FRAS1: variants seen among roughly 807,000 people sequenced by gnomAD.
FRAS1 encodes the protein Fraser extracellular matrix complex subunit 1.
Under a neutral mutation model 435.2 loss-of-function variants are expected in FRAS1, and 290 were observed. The ratio of observed to expected loss-of-function variants is 0.67; its 90% CI spans 0.61 to 0.73. FRAS1 has a LOEUF of 0.73. FRAS1 is among the 30% of genes least tolerant of loss of function. The pLI is 0.00. For synonymous variants in FRAS1, 1,800 were observed against 1,851.0 expected, an observed-to-expected ratio of 0.97 and a Z score of 0.71; for missense variants, 4,860 against 5,001.5, an observed-to-expected ratio of 0.97 and a Z score of 0.85.
intron 22 of FRAS1, 89 bp from the exon 23 acceptor site, chr4:78,369,749 G>T (rs1465568741): frequency 7.3e-6 from 9 of 1,226,900 alleles, no homozygotes; most frequent in Non-Finnish European, 1.0e-5. Context: ...ACAAGGCTTT[G>T]TTCCTATGCA....
At chr4:78,516,092 T>C in intron 66 of FRAS1, 79 bp downstream of exon 66, 2 of 1,131,370 alleles carry the variant, frequency 1.8e-6, no homozygotes, top group Non-Finnish European at 2.5e-6. Context: ...AGCACTTCAA[T>C]TAGCACTTTG....
At chr4:78,388,574 GA>G (rs1732318734) in intron 29 of FRAS1, among the ~76,000 whole-genome samples, 5 of 151,988 alleles carry the variant, frequency 3.3e-5, no homozygotes, top group African/African-American at 1.2e-4. Flanking sequence ...GAGGTAAGGG[GA>G]TCACTTGAGC....
intron 2 of FRAS1, among the ~76,000 whole-genome samples, chr4:78,151,374 A>G (rs890235024): frequency 1.3e-5 from 2 of 152,150 alleles, no homozygotes; most frequent in Non-Finnish European, 2.9e-5. Flanking sequence ...GTTCTTGGTC[A>G]TTGAGATATT....
rs758048039 is a variant in FRAS1 at position 78,252,378 on chromosome 4, T to G, written c.310-14T>G. On this transcript the variant is annotated splice_polypyrimidine_tract_variant and intron_variant, in intron 4 of 73. Transcript: ENST00000512123. ...GCACTAACCTTTTTTTTTTTCTGTC[T>G]CCCTAACACACAGCATGGGACAGAA... 4 of 1,600,072 alleles carry G rather than the reference T, an allele frequency of 2.5e-6. No individual in the cohort carries two copies. The highest frequency in any genetic ancestry group is 3.4e-5 in the Admixed American group (2 of 58,200).
chr4:78,170,489 T>C (rs1721506318), intron 2 of FRAS1, among the ~76,000 whole-genome samples: 2 of 152,142 alleles, frequency 1.3e-5, no homozygotes, highest in African/African-American at 4.8e-5. Flanking sequence ...TATTTTCATA[T>C]ACCCTCCAAT....
chr4:78,192,891 C>T (rs1158775475), intron 2 of FRAS1, among the ~76,000 whole-genome samples: 2 of 152,188 alleles, frequency 1.3e-5, no homozygotes, highest in Non-Finnish European at 2.9e-5. Flanking sequence ...ATCTTTCCTG[C>T]TTTCTCTTGT....
chr4:78,136,144 A>G lies in FRAS1; in HGVS notation c.108+70128A>G, dbSNP rs1346492665. Among the ~76,000 whole-genome samples the G allele has an allele frequency of 5.4e-4, 82 of 152,226 alleles. 1 individual carries two copies. Among genetic ancestry groups the G allele is most frequent in the Non-Finnish European group, 7.3e-5 (5 of 68,040 alleles). On this transcript the variant is annotated intron_variant, in intron 2 of 73. Transcript: ENST00000512123. ...ACATATCACAGCTTTGCACTTAGGA[A>G]CAGTAGACAGCACTGCAGCACTGTG...
chr4:78,096,287 C>T (rs1272523289), intron 2 of FRAS1, among the ~76,000 whole-genome samples: 1 of 152,116 alleles, frequency 6.6e-6, no homozygotes, highest in African/African-American at 2.4e-5. Flanking sequence ...GCTTTGCCTC[C>T]TGGCTATTTT....
chr4:78,191,929 T>C (rs1412957967), intron 2 of FRAS1, among the ~76,000 whole-genome samples: 1 of 152,224 alleles, frequency 6.6e-6, no homozygotes, highest in Admixed American at 6.5e-5. Flanking sequence ...ATTTTCTTAA[T>C]CCAGTCTATC....
At position 78,451,830 on chromosome 4, in the gene FRAS1, T is replaced by C; in HGVS notation, c.6522T>C (p.Phe2174=). 6.2e-7 allele frequency: 1 copy of C among 1,613,152 alleles called. No homozygotes were observed. Among genetic ancestry groups the C allele is most frequent in the Admixed American group, 1.7e-5 (1 of 59,988 alleles). The change falls in exon 46 of 74, where the codon TTT becomes TTC. Residue 2174 remains phenylalanine (F), a synonymous_variant. Transcript: ENST00000512123. ...GEPGGSFAFK[F]DVVDGEGNRL... is the part of the protein sequence containing the mutation. ...CTGGAGGGAGCTTTGCTTTTAAATT[T>C]GATGTGGTTGATGGAGAAGGCAACA...
At chr4:78,271,378 T>C (rs1212942580) in intron 9 of FRAS1, among the ~76,000 whole-genome samples, 1 of 152,184 alleles carries the variant, frequency 6.6e-6, no homozygotes. Context: ...GTTTGTTACA[T>C]ATGTATACAT....
chr4:78,522,829 C>A (rs771416658), intron 69 of FRAS1, 21 bp downstream of exon 69: 1 of 1,574,628 alleles, frequency 6.4e-7, no homozygotes, highest in East Asian at 2.3e-5. Flanking sequence ...TGATGGAGGC[C>A]TCCATGGGTA....
In FRAS1 at chr4:78,227,364, A is replaced by C. The variant is rs142548890; in HGVS notation, c.109-10146A>C. Among the ~76,000 whole-genome samples the C allele has an allele frequency of 3.3e-5, 5 of 152,340 alleles. No homozygotes were observed. The East Asian group carries it at 9.6e-4, about 29-fold the overall frequency. On this transcript the variant is annotated intron_variant, in intron 2 of 73. Coordinates refer to ENST00000512123, the MANE Select transcript of FRAS1 (RefSeq NM_025074.7). Reference sequence around the variant, plus strand: ...GGACCCCTATTCATTAAATGCTAGAATCACCTCTAAACCAGCAGCCTTCAA... The same window carrying C: ...GGACCCCTATTCATTAAATGCTAGACTCACCTCTAAACCAGCAGCCTTCAA...
chr4:78,520,578 A>C (rs1721356283), intron 67 of FRAS1, among the ~76,000 whole-genome samples: 1 of 152,158 alleles, frequency 6.6e-6, no homozygotes, highest in African/African-American at 2.4e-5. Flanking sequence ...TAACCTATAC[A>C]TATACTCCCT....
chr4:78,458,042 T>C (rs1719258960), intron 47 of FRAS1, among the ~76,000 whole-genome samples: 1 of 152,152 alleles, frequency 6.6e-6, no homozygotes, highest in East Asian at 1.9e-4. Context: ...GAATACACAG[T>C]TAGAGAGAGA....
rs376661055 is a variant in FRAS1, at chr4:78,136,160, C to CA, written c.108+70145dup. On this transcript the variant is annotated intron_variant, in intron 2 of 73. Coordinates refer to ENST00000512123, the MANE Select transcript of FRAS1 (RefSeq NM_025074.7). ...CACTTAGGAACAGTAGACAGCACTG[C>CA]AGCACTGTGTGCATGGGTCATTTTA... Among the ~76,000 whole-genome samples the CA allele has an allele frequency of 4.0e-4, 61 of 152,314 alleles. 2 individuals are homozygous for CA. Among genetic ancestry groups the CA allele is most frequent in the African/African-American group, 1.4e-3 (59 of 41,572 alleles).
At chr4:78,341,327 T>C (rs1259885824) in intron 20 of FRAS1, among the ~76,000 whole-genome samples, 1 of 152,166 alleles carries the variant, frequency 6.6e-6, no homozygotes, top group East Asian at 1.9e-4. Flanking sequence ...AGGACTGGTC[T>C]GTAGGGCCTT....
At chr4:78,129,572 A>T (rs1480108722) in intron 2 of FRAS1, among the ~76,000 whole-genome samples, 2 of 137,890 alleles carry the variant, frequency 1.5e-5, no homozygotes, top group African/African-American at 6.8e-5. Context: ...CTGATTTGTG[A>T]AACTGAATTA....
At chr4:78,161,228 T>A (rs1345866016) in intron 2 of FRAS1, among the ~76,000 whole-genome samples, 2 of 152,228 alleles carry the variant, frequency 1.3e-5, no homozygotes. Context: ...ACATTATTTT[T>A]AATGAGAATT....
Sources: gnomAD v4.1 joint callset for allele counts (sites outside exome capture counted in the v4.1 genomes callset) on GRCh38, gnomAD v4.1.1 for gene constraint, MANE v1.5 for transcripts, NCBI Gene and HGNC (gene_info 2026-07-23, HGNC 2026-07-21) for gene names.